SPAG9: variants seen among roughly 807,000 people sequenced by gnomAD.
The protein encoded by SPAG9 is sperm associated antigen 9.
SPAG9 carries 35 observed loss-of-function variants against 166.5 expected under a neutral mutation model. The observed-to-expected ratio is 0.21, with a 90% CI of 0.16 to 0.28. SPAG9 has a LOEUF of 0.28. Among genes scored for constraint, SPAG9 ranks in the 10% least tolerant of loss-of-function variants. The pLI is 1.00. For missense variants in SPAG9, 1,235 were observed against 1,603.3 expected, an observed-to-expected ratio of 0.77 and a Z score of 3.92; for synonymous variants, 534 against 565.5, an observed-to-expected ratio of 0.94 and a Z score of 0.79.
At chr17:51,060,160 T>C (rs1007414861) in intron 2 of SPAG9, among the ~76,000 whole-genome samples, 4 of 151,938 alleles carry the variant, frequency 2.6e-5, no homozygotes, top group Admixed American at 6.6e-5. Flanking sequence ...AATTCATAGG[T>C]TGAAGCTCTA....
intron 2 of SPAG9, among the ~76,000 whole-genome samples, chr17:51,064,561 C>T (rs529173974): frequency 3.1e-4 from 47 of 152,196 alleles, no homozygotes; most frequent in Non-Finnish European, 6.2e-4. Flanking sequence ...CATGAATGAA[C>T]CTTTATGCTA....
rs189134348 is a variant in SPAG9 at position 51,092,368 on chromosome 17, T to C, written c.304-12664A>G. Among the ~76,000 whole-genome samples the C allele has an allele frequency of 1.3e-3, 195 of 152,010 alleles. 1 individual carries two copies. The highest frequency in any genetic ancestry group is 4.5e-3 in the African/African-American group (185 of 41,490). ...AAAGAACCATTATATAAAGAGGAAC[T>C]TGAGACATATTGAACCAAGTATAAA... On this transcript the variant is annotated intron_variant, in intron 1 of 29. Coordinates refer to ENST00000262013, the MANE Select transcript of SPAG9 (RefSeq NM_001130528.3).
intron 27 of SPAG9, 174 bp from the exon 28 acceptor site, chr17:50,975,121 AGTTATTTT>A: frequency 1.8e-6 from 1 of 564,308 alleles, no homozygotes. Context: ...ACAGCATGCT[AGTTATTTT>A]TAAGTACCTC....
At chr17:51,095,035 C>A (rs781747784) in intron 1 of SPAG9, among the ~76,000 whole-genome samples, 1 of 152,128 alleles carries the variant, frequency 6.6e-6, no homozygotes, top group African/African-American at 2.4e-5. Flanking sequence ...GTGGCTGACG[C>A]CTGTAATCCC....
At chr17:51,110,387 AC>A (rs1261486981) in intron 1 of SPAG9, among the ~76,000 whole-genome samples, 89 of 149,414 alleles carry the variant, frequency 6.0e-4, no homozygotes, top group African/African-American at 2.1e-3. Flanking sequence ...TACTAACCTT[AC>A]AAAAAAAAAA....
At chr17:51,064,054 C>T (rs2047593975) in intron 2 of SPAG9, among the ~76,000 whole-genome samples, 1 of 152,194 alleles carries the variant, frequency 6.6e-6, no homozygotes, top group Non-Finnish European at 1.5e-5. Context: ...TTCCATCTTC[C>T]TCTCCACTCC....
intron 1 of SPAG9, among the ~76,000 whole-genome samples, chr17:51,089,493 TAA>T (rs1226937524): frequency 6.7e-6 from 1 of 150,070 alleles, no homozygotes; most frequent in Admixed American, 6.7e-5. Context: ...AAATCACCAC[TAA>T]AGAACTTATC....
At position 50,979,870 on chromosome 17, in the gene SPAG9, A is replaced by C; in HGVS notation, c.3285T>G (p.Leu1095=). ...HPRKESQVRQ[L]AWVGDGVWVS... ...CCCACACGCCATCCCCCACCCACGC[A>C]AGCTGTCGCACTTGGCTCTCCTTCC... Residue 1095 remains leucine, a synonymous_variant, in exon 26 of 30, where the codon CTT becomes CTG. Coordinates refer to ENST00000262013, the MANE Select transcript of SPAG9 (RefSeq NM_001130528.3). The C allele has an allele frequency of 6.2e-7, 1 of 1,614,162 alleles. No homozygotes were observed. Among genetic ancestry groups the C allele is most frequent in the African/African-American group, 1.3e-5 (1 of 75,054 alleles).
At chr17:51,019,578 C>T (rs181677790) in intron 8 of SPAG9, among the ~76,000 whole-genome samples, 6 of 146,976 alleles carry the variant, frequency 4.1e-5, no homozygotes, top group East Asian at 4.2e-4. Context: ...CAAGGCTGGG[C>T]GCAGTGGCTC....
intron 5 of SPAG9, among the ~76,000 whole-genome samples, chr17:51,033,310 G>GAAAAAAAA (rs368879602): frequency 1.1e-5 from 1 of 86,980 alleles, no homozygotes; most frequent in Admixed American, 1.3e-4. Flanking sequence ...GTCATTAAAT[G>GAAAAAAAA]AAAAAAAAAA....
In SPAG9 at chr17:50,984,940, A is replaced by G. The variant is rs1366302771; in HGVS notation, c.3071T>C (p.Ile1024Thr). ...LVALADGTLA[I>T]FHRGVDGQWD... ...CCACTCACCCACTCCTCTGTGAAAG[A>G]TTGCAAGGGTGCCGTCAGCCAGGGC... The change falls in exon 24 of 30, where the codon ATC becomes ACC. Residue 1024 changes from isoleucine (I) to threonine (T), a missense_variant. Physicochemically the swap from Ile to Thr is moderately conservative, Grantham distance 89 (BLOSUM62 -1). Transcript: ENST00000262013. 1 of 1,614,058 alleles carries G rather than the reference A, an allele frequency of 6.2e-7. No individual in the cohort carries two copies. The highest frequency in any genetic ancestry group is 2.2e-5 in the East Asian group (1 of 44,896).
chr17:51,014,110 T>G (rs1272942546), intron 9 of SPAG9, 122 bp downstream of exon 9: 3 of 765,198 alleles, frequency 3.9e-6, no homozygotes, highest in Non-Finnish European at 5.6e-6. Flanking sequence ...AATAATTACC[T>G]AAAAGGGCAA....
At chr17:51,011,047 A>G (rs541596443) in intron 9 of SPAG9, among the ~76,000 whole-genome samples, 4 of 152,316 alleles carry the variant, frequency 2.6e-5, no homozygotes, top group African/African-American at 9.6e-5. Context: ...ACAGGAAAGG[A>G]CACAGGCAAG....
chr17:51,056,453 G>T lies in SPAG9; in HGVS notation c.454C>A (p.Leu152Met). 2 of 1,608,874 alleles carry T rather than the reference G, an allele frequency of 1.2e-6. No individual in the cohort carries two copies. The highest frequency in any genetic ancestry group is 1.7e-6 in the Non-Finnish European group (2 of 1,175,786). ...TGTAATGCATTATATTCCTTCTTCA[G>T]TTCTGCTTCTCTTTCTTCAAGTCTG... ...ISRLEEREAE[L>M]KKEYNALHQR... is the part of the protein sequence containing the mutation. Residue 152 changes from leucine to methionine, a missense_variant, in exon 3 of 30, where the codon CTG becomes ATG. Leu to Met is a conservative substitution (Grantham distance 15, BLOSUM62 2). Around this residue, in one of 6 missense-constraint regions of SPAG9, gnomAD observed 288 missense variants for 323.7 expected, o/e 0.89. Transcript: ENST00000262013.
chr17:51,118,976 G>A lies in SPAG9; in HGVS notation c.303+1378C>T, dbSNP rs2049384012. On this transcript the variant is annotated intron_variant, in intron 1 of 29. Transcript: ENST00000262013. ...TTGAACCCGGCAGGCAGAGGTTGCAGTGAGCCAAGATCACTCCACTGCACT... is the reference window on the plus strand; with the variant it reads ...TTGAACCCGGCAGGCAGAGGTTGCAATGAGCCAAGATCACTCCACTGCACT... 3.4e-5 allele frequency among the ~76,000 whole-genome samples: 5 copies of A among 146,450 alleles called. No individual in the cohort carries two copies. In the South Asian group the frequency reaches 1.1e-3, roughly 32 times the overall value.
chr17:51,006,493 G>T (rs1414936513), intron 10 of SPAG9, among the ~76,000 whole-genome samples: 1 of 152,084 alleles, frequency 6.6e-6, no homozygotes, highest in Admixed American at 6.6e-5. Context: ...TTTAAAAATA[G>T]CATTCAAAAG....
Position 51,103,317 on chromosome 17 carries a change from GAAA to G in SPAG9, c.303+17034_303+17036del, listed in dbSNP as rs2048855744. On this transcript the variant is annotated intron_variant, in intron 1 of 29. Transcript: ENST00000262013. ...CAATAGGTTAGTTTGACACAGCGCT[GAAA>G]GTGCTACAAGAGGGCAAGAGGACTG... Among the ~76,000 whole-genome samples the G allele has an allele frequency of 2.0e-5, 3 of 152,292 alleles. No individual in the cohort carries two copies. The East Asian group carries it at 5.8e-4, about 29-fold the overall frequency.
Position 51,005,214 on chromosome 17 carries a change from C to T in SPAG9, c.1474G>A (p.Asp492Asn). ...AAAGTCCAAAATTGTAAACCTACAT[C>T]ATCGTCATCTTTTGCTTTTTGCCTT... ...DARQKAKDDDDSDIPTAQRKR... is the reference protein window; with the variant it reads ...DARQKAKDDDNSDIPTAQRKR... The change falls in exon 12 of 30, where the codon GAT becomes AAT. Residue 492 changes from aspartate (D) to asparagine (N), a missense_variant and splice_region_variant. Around this residue, in one of 6 missense-constraint regions of SPAG9, gnomAD observed 125 missense variants for 194.0 expected, o/e 0.64. Coordinates refer to ENST00000262013, the MANE Select transcript of SPAG9 (RefSeq NM_001130528.3). 1 of 1,613,906 alleles carries T rather than the reference C, an allele frequency of 6.2e-7. No individual in the cohort carries two copies. Among genetic ancestry groups the T allele is most frequent in the Non-Finnish European group, 8.5e-7 (1 of 1,179,866 alleles).
At chr17:51,037,685 A>ATATATATATATATAGTGTGTGT in intron 5 of SPAG9, among the ~76,000 whole-genome samples, 3 of 83,510 alleles carry the variant, frequency 3.6e-5, no homozygotes, top group African/African-American at 1.2e-4. Context: ...ATATATATAT[A>ATATATATATATATAGTGTGTGT]GTGTGTGTGT....
Sources: gnomAD v4.1 joint callset for allele counts (sites outside exome capture counted in the v4.1 genomes callset) on GRCh38, gnomAD v4.1.1 for gene constraint, gnomAD v4.1.1 regional missense constraint, MANE v1.5 for transcripts, NCBI Gene and HGNC (gene_info 2026-07-23, HGNC 2026-07-21) for gene names.